The following TANC2 variants were observed in gnomAD, a reference collection of about 807,000 sequenced individuals.
TANC2 encodes protein TANC2.
TANC2 carries 26 observed loss-of-function variants against 210.5 expected under a neutral mutation model. The ratio of observed to expected loss-of-function variants is 0.12; its 90% CI spans 0.09 to 0.17. The LOEUF (loss-of-function observed/expected upper bound fraction) is 0.17. TANC2 is among the 10% of genes least tolerant of loss of function. The probability of loss-of-function intolerance (pLI) is 1.00; values close to 1 mark genes in which losing one functional copy is unlikely to be tolerated. For missense variants in TANC2, 2,129 were observed against 2,608.9 expected (o/e 0.82, Z 4.01); for synonymous variants, 931 against 967.1 (o/e 0.96, Z 0.69).
Position 63,420,862 on chromosome 17 carries a change from T to C in TANC2, c.5132T>C (p.Val1711Ala). Reference sequence around the variant, plus strand: ...AGCCCAGCCGTCCATTCAAGCACCGTCATCCCCACAGGAGCCTATGGCCAA... The same window carrying C: ...AGCCCAGCCGTCCATTCAAGCACCGCCATCCCCACAGGAGCCTATGGCCAA... The change falls in exon 28 of 28, where the codon GTC (valine) becomes GCC (alanine). Residue 1711 changes from valine to alanine, a missense_variant. Coordinates refer to ENST00000689528, the Ensembl canonical transcript of TANC2. This position sits in a 1 kb window ranked among gnomAD's most constrained non-coding sequence, Gnocchi z 4.2. The C allele has an allele frequency of 6.2e-7, 1 of 1,614,004 alleles. No individual in the cohort carries two copies. The highest frequency in any genetic ancestry group is 1.1e-5 in the South Asian group (1 of 91,080).
intron 9 of TANC2, among the ~76,000 whole-genome samples, chr17:63,275,090 G>A (rs1448557765): frequency 6.6e-6 from 1 of 152,192 alleles, no homozygotes; most frequent in Non-Finnish European, 1.5e-5. Context: ...TTGTAGCATA[G>A]TGACTTTGAA....
intron 9 of TANC2, among the ~76,000 whole-genome samples, chr17:63,284,550 G>A (rs1186528746): frequency 6.6e-6 from 1 of 151,778 alleles, no homozygotes; most frequent in Non-Finnish European, 1.5e-5. Flanking sequence ...TATTTCTGGG[G>A]AACTTCCAGA....
intron 12 of TANC2, among the ~76,000 whole-genome samples, chr17:63,342,558 C>T (rs1032128500): frequency 2.0e-5 from 3 of 152,128 alleles, no homozygotes; most frequent in African/African-American, 7.2e-5. Flanking sequence ...AGGTGGATCA[C>T]GAGGTCAGGA....
exon 4 of TANC2, chr17:63,099,320 T>C: frequency 6.4e-7 from 1 of 1,555,074 alleles, no homozygotes; most frequent in Non-Finnish European, 8.7e-7. Context: ...CACATCAGTC[T>C]ATCAGTGTTC....
intron 8 of TANC2, among the ~76,000 whole-genome samples, chr17:63,258,740 C>A (rs1442838290): frequency 6.6e-6 from 1 of 151,640 alleles, no homozygotes; most frequent in Non-Finnish European, 1.5e-5. Flanking sequence ...GTAGGTGGCT[C>A]CCCTATGGTC....
intron 5 of TANC2, among the ~76,000 whole-genome samples, chr17:63,165,809 T>C (rs543338842): frequency 9.2e-5 from 14 of 152,362 alleles, no homozygotes; most frequent in African/African-American, 3.4e-4. Flanking sequence ...AAGGGAATAA[T>C]ATGGAAATAT....
chr17:63,276,354 G>T (rs1390954483), intron 9 of TANC2, among the ~76,000 whole-genome samples: 1 of 151,996 alleles, frequency 6.6e-6, no homozygotes, highest in African/African-American at 2.4e-5. Context: ...CAACTGTATT[G>T]CCATAGTTAT....
intron 20 of TANC2, 145 bp from the exon 21 acceptor site, chr17:63,406,009 A>G (rs2048493391): frequency 1.0e-6 from 1 of 998,164 alleles, no homozygotes; most frequent in South Asian, 1.6e-5. Context: ...TACTAGGACT[A>G]TACAGGTACT....
chr17:63,407,667 T>A (rs975015923), intron 21 of TANC2, among the ~76,000 whole-genome samples: 1 of 152,234 alleles, frequency 6.6e-6, no homozygotes, highest in Non-Finnish European at 1.5e-5. Context: ...CTGATTTTTT[T>A]AATTAATACA....
Position 63,412,999 on chromosome 17 carries a change from A to G in TANC2, c.3928+290A>G, listed in dbSNP as rs529568142. On this transcript the variant is annotated intron_variant, in intron 24 of 27. Transcript: ENST00000689528. The surrounding 1 kb of genome is among the most constrained non-coding windows in gnomAD (Gnocchi z 4.2). ...CCTCAGTAATGTTGGTTTGTTTCAC[A>G]TCTGATTGACATTCGAACTGTGCTC... Among the ~76,000 whole-genome samples the G allele has an allele frequency of 1.3e-5, 2 of 152,148 alleles. No individual in the cohort carries two copies. The highest frequency in any genetic ancestry group is 2.9e-5 in the Non-Finnish European group (2 of 68,032).
intron 7 of TANC2, among the ~76,000 whole-genome samples, chr17:63,237,349 C>G (rs1488373838): frequency 6.6e-6 from 1 of 151,774 alleles, no homozygotes; most frequent in African/African-American, 2.4e-5. Flanking sequence ...TGTTTGAGTT[C>G]CTTGTATATT....
At chr17:63,202,637 A>G (rs964255481) in intron 7 of TANC2, among the ~76,000 whole-genome samples, 1 of 152,120 alleles carries the variant, frequency 6.6e-6, no homozygotes, top group Admixed American at 6.5e-5. Flanking sequence ...ATATTTATAC[A>G]TAGGTAGACA....
At chr17:63,189,551 C>A (rs1454861119) in intron 5 of TANC2, among the ~76,000 whole-genome samples, 1 of 152,082 alleles carries the variant, frequency 6.6e-6, no homozygotes, top group Admixed American at 6.6e-5. Flanking sequence ...CATTTGTATA[C>A]CCTCTTTGGT....
intron 8 of TANC2, among the ~76,000 whole-genome samples, chr17:63,260,214 A>G (rs1476454130): frequency 1.3e-5 from 2 of 152,226 alleles, no homozygotes; most frequent in African/African-American, 4.8e-5. Flanking sequence ...TGACTGAATC[A>G]CTTTAGACAA....
intron 9 of TANC2, among the ~76,000 whole-genome samples, chr17:63,272,373 G>C (rs2043738446): frequency 6.6e-6 from 1 of 152,140 alleles, no homozygotes; most frequent in Non-Finnish European, 1.5e-5. Flanking sequence ...AGTATAGTTT[G>C]AAATCAGGTA....
intron 3 of TANC2, among the ~76,000 whole-genome samples, chr17:63,077,306 A>T (rs963616150): frequency 2.6e-5 from 4 of 152,236 alleles, no homozygotes; most frequent in Non-Finnish European, 4.4e-5. Flanking sequence ...TTAGATGTAT[A>T]CATTTTCAAA....
chr17:63,020,022 G>A (rs1412194599), intron 2 of TANC2, among the ~76,000 whole-genome samples: 2 of 152,246 alleles, frequency 1.3e-5, no homozygotes, highest in African/African-American at 4.8e-5. Context: ...CCCGTCCCGG[G>A]TTCAAGCGAT....
chr17:63,174,632 C>T (rs574757366), intron 5 of TANC2, among the ~76,000 whole-genome samples: 29 of 152,228 alleles, frequency 1.9e-4, no homozygotes, highest in African/African-American at 6.5e-4. Flanking sequence ...AGAGTAAATG[C>T]GGAGATTCCC....
At chr17:62,990,937 G>C (rs1267182527) in intron 1 of TANC2, among the ~76,000 whole-genome samples, 1 of 152,144 alleles carries the variant, frequency 6.6e-6, no homozygotes, top group Non-Finnish European at 1.5e-5. Flanking sequence ...TGTTCACAGG[G>C]AACTGACTAA....
Sources: allele counts gnomAD v4.1 joint callset (sites outside exome capture counted in the v4.1 genomes callset), GRCh38; gene constraint gnomAD v4.1.1; non-coding constraint Gnocchi (gnomAD v3.1); transcripts MANE v1.5; gene names NCBI Gene and HGNC (gene_info 2026-07-23, HGNC 2026-07-21).